CHST9: variants seen among roughly 807,000 people sequenced by gnomAD.
The protein encoded by CHST9 is GalNAc-4-sulfotransferase 2.
In CHST9, 41 loss-of-function variants were observed where a neutral mutation model predicts 44.4. The ratio of observed to expected loss-of-function variants is 0.92; its 90% CI spans 0.72 to 1.20. CHST9 has a LOEUF of 1.20. Among genes scored for constraint, CHST9 ranks in the 50% most tolerant of loss-of-function variants. The pLI is 0.00. For synonymous variants in CHST9, 171 were observed against 178.4 expected, an observed-to-expected ratio of 0.96 and a Z score of 0.33; for missense variants, 504 against 516.5, an observed-to-expected ratio of 0.98 and a Z score of 0.23.
chr18:27,056,112 A>G (rs1312885021), intron 2 of CHST9, among the ~76,000 whole-genome samples: 2 of 152,214 alleles, frequency 1.3e-5, no homozygotes, highest in African/African-American at 2.4e-5. Flanking sequence ...TGTTTGAATG[A>G]AACAATTTTT....
intron 2 of CHST9, among the ~76,000 whole-genome samples, chr18:27,103,274 T>C (rs1159444404): frequency 2.6e-5 from 4 of 152,182 alleles, no homozygotes; most frequent in Admixed American, 1.3e-4. Context: ...GATGATTCCA[T>C]GCTGTGTACT....
chr18:27,128,571 A>G (rs1321747435), intron 2 of CHST9, among the ~76,000 whole-genome samples: 3 of 152,172 alleles, frequency 2.0e-5, no homozygotes, highest in Non-Finnish European at 4.4e-5. Context: ...CCCGGCCCCA[A>G]ATCATTAAGT....
intron 3 of CHST9, among the ~76,000 whole-genome samples, chr18:27,043,324 T>G (rs1195509165): frequency 1.3e-5 from 2 of 152,102 alleles, no homozygotes; most frequent in Non-Finnish European, 2.9e-5. Flanking sequence ...TAGGCTCTAT[T>G]GCCCATAACC....
chr18:27,184,214 G>A (rs544195383), intron 1 of CHST9, among the ~76,000 whole-genome samples: 1 of 152,196 alleles, frequency 6.6e-6, no homozygotes, highest in African/African-American at 2.4e-5. Flanking sequence ...ACTTGCCATC[G>A]CTTTCAAAAC....
At chr18:27,015,557 C>G (rs1341525580) in intron 4 of CHST9, among the ~76,000 whole-genome samples, 1 of 152,102 alleles carries the variant, frequency 6.6e-6, no homozygotes, top group African/African-American at 2.4e-5. Context: ...CCTGGCGACT[C>G]TGTGTGGAGG....
intron 3 of CHST9, among the ~76,000 whole-genome samples, chr18:27,043,175 G>T (rs1191980760): frequency 1.3e-5 from 2 of 151,840 alleles, no homozygotes; most frequent in Non-Finnish European, 2.9e-5. Context: ...TGTTAATGTT[G>T]GGGATGTTCT....
chr18:27,063,201 A>G (rs550962854), intron 2 of CHST9, among the ~76,000 whole-genome samples: 4 of 152,312 alleles, frequency 2.6e-5, no homozygotes, highest in African/African-American at 7.2e-5. Flanking sequence ...GCCCAAGATT[A>G]CCCAGTAAAC....
chr18:27,184,929 TGAAGG>T (rs1960846448), intron 1 of CHST9, among the ~76,000 whole-genome samples: 1 of 151,106 alleles, frequency 6.6e-6, no homozygotes, highest in Admixed American at 6.6e-5. Context: ...TCCACTGAAG[TGAAGG>T]GAAGTGGGTT....
At chr18:27,096,784 A>G (rs770288151) in intron 2 of CHST9, among the ~76,000 whole-genome samples, 7 of 152,046 alleles carry the variant, frequency 4.6e-5, no homozygotes, top group Non-Finnish European at 1.0e-4. Context: ...TGAATCAGTA[A>G]TAAAGATTCT....
chr18:27,146,142 G>A (rs1380099152), intron 1 of CHST9, among the ~76,000 whole-genome samples: 1 of 152,152 alleles, frequency 6.6e-6, no homozygotes, highest in Non-Finnish European at 1.5e-5. Flanking sequence ...ACTCCTCGGG[G>A]GTTTGCAGAG....
At chr18:27,153,566 G>A (rs1328079118) in intron 1 of CHST9, among the ~76,000 whole-genome samples, 3 of 129,838 alleles carry the variant, frequency 2.3e-5, no homozygotes, top group African/African-American at 8.3e-5. Flanking sequence ...GTGTGTGTGT[G>A]TATGTGTGTG....
intron 2 of CHST9, among the ~76,000 whole-genome samples, chr18:27,091,019 C>G (rs986747470): frequency 1.1e-4 from 16 of 152,152 alleles, no homozygotes; most frequent in African/African-American, 3.6e-4. Flanking sequence ...GGCGTTGAAT[C>G]TATAAATTAC....
intron 1 of CHST9, among the ~76,000 whole-genome samples, chr18:27,156,907 AAC>A (rs2058702104): frequency 6.6e-6 from 1 of 152,230 alleles, no homozygotes; most frequent in East Asian, 1.9e-4. Context: ...CTCAATATTA[AAC>A]AGTGTCTAGA....
intron 2 of CHST9, among the ~76,000 whole-genome samples, chr18:27,087,070 C>A (rs990741374): frequency 5.3e-5 from 8 of 152,190 alleles, no homozygotes; most frequent in Admixed American, 5.2e-4. Context: ...TGAAAGTCAA[C>A]CTATAAAGAC....
chr18:27,157,681 A>G (rs1729455910), intron 1 of CHST9, among the ~76,000 whole-genome samples: 1 of 152,180 alleles, frequency 6.6e-6, no homozygotes, highest in Non-Finnish European at 1.5e-5. Flanking sequence ...ATTCCAAAGT[A>G]ACTGCCTAAG....
chr18:26,930,282 G>A (rs2055853722), intron 5 of CHST9, among the ~76,000 whole-genome samples: 1 of 152,180 alleles, frequency 6.6e-6, no homozygotes, highest in Non-Finnish European at 1.5e-5. Flanking sequence ...TCCATGCTGA[G>A]TGGGGTTTCT....
chr18:27,028,531 T>C (rs1242079058), intron 3 of CHST9, among the ~76,000 whole-genome samples: 3 of 151,912 alleles, frequency 2.0e-5, no homozygotes, highest in Admixed American at 2.0e-4. Context: ...GCAAATCACT[T>C]AGGAGGCCAG....
chr18:27,010,627 T>G (rs1010593471), intron 4 of CHST9, among the ~76,000 whole-genome samples: 9 of 152,214 alleles, frequency 5.9e-5, no homozygotes, highest in African/African-American at 2.2e-4. Flanking sequence ...AACATGAAGA[T>G]AATAATGTCA....
chr18:26,993,737 T>C (rs2056852150), intron 4 of CHST9, among the ~76,000 whole-genome samples: 1 of 152,238 alleles, frequency 6.6e-6, no homozygotes, highest in African/African-American at 2.4e-5. Context: ...GAACACTTAC[T>C]TTGTTCTAAA....
Sources: allele counts gnomAD v4.1 joint callset (sites outside exome capture counted in the v4.1 genomes callset), GRCh38; gene constraint gnomAD v4.1.1; transcripts MANE v1.5; gene names NCBI Gene and HGNC (gene_info 2026-07-23, HGNC 2026-07-21).